The following GSG1 variants were observed in gnomAD, a reference collection of about 807,000 sequenced individuals.
GSG1 encodes germ cell-specific gene 1 protein.
A neutral mutation model predicts 30.8 loss-of-function variants in GSG1; 28 were observed. The observed-to-expected ratio is 0.91, with a 90% confidence interval of 0.67 to 1.25. The LOEUF is 1.25. GSG1 is among the 50% of genes most tolerant of loss of function. The pLI is 0.00. For missense variants in GSG1, 435 were observed against 444.7 expected, an observed-to-expected ratio of 0.98 and a Z score of 0.20; for synonymous variants, 162 against 178.0, an observed-to-expected ratio of 0.91 and a Z score of 0.71.
At chr12:13,103,021 C>T (rs1175556501) in intron 1 of GSG1, among the ~76,000 whole-genome samples, 1 of 152,254 alleles carries the variant, frequency 6.6e-6, no homozygotes, top group African/African-American at 2.4e-5. Flanking sequence ...TGTTCTCTGG[C>T]ATAGAGCTTG....
At chr12:13,091,750 T>A (rs1292591572) in intron 1 of GSG1, among the ~76,000 whole-genome samples, 1 of 152,212 alleles carries the variant, frequency 6.6e-6, no homozygotes, top group Non-Finnish European at 1.5e-5. Context: ...CCAATCATAT[T>A]TCTATGTGAC....
chr12:13,098,120 A>C (rs1862867455), intron 1 of GSG1, among the ~76,000 whole-genome samples: 1 of 151,914 alleles, frequency 6.6e-6, no homozygotes, highest in Non-Finnish European at 1.5e-5. Context: ...TGGAAGGAGA[A>C]GCAGGAATTT....
At chr12:13,085,887 G>C (rs1865473468) in intron 6 of GSG1, among the ~76,000 whole-genome samples, 1 of 152,204 alleles carries the variant, frequency 6.6e-6, no homozygotes, top group African/African-American at 2.4e-5. Context: ...TGGCTTAAGG[G>C]AGTTTGTAAT....
At chr12:13,096,382 G>A (rs1296840906) in intron 1 of GSG1, among the ~76,000 whole-genome samples, 6 of 151,210 alleles carry the variant, frequency 4.0e-5, no homozygotes, top group African/African-American at 1.5e-4. Flanking sequence ...GCTGAGGCAG[G>A]AGAATGGTGT....
In GSG1 at chr12:13,084,809, G is replaced by C. The variant is rs566167253; in HGVS notation, c.*92C>G. On this transcript the variant is annotated 3_prime_UTR_variant, in exon 7 of 7. Coordinates refer to ENST00000651961, the MANE Select transcript of GSG1 (RefSeq NM_001080555.4). ...CTTATTCGTAGCCTCTAAAAACCAT[G>C]CTCAAGAGACGGATGTTGGCTTAAG... 6.0e-6 allele frequency: 5 copies of C among 832,630 alleles called. No individual in the cohort carries two copies. Among genetic ancestry groups the C allele is most frequent in the Non-Finnish European group, 9.4e-6 (5 of 533,258 alleles). 51.6% of individuals were successfully genotyped at this position (832,630 alleles called of 1,614,324 possible). A position where few individuals can be genotyped will look rare whatever the true frequency, so the allele number is the denominator to read the frequency against.
chr12:13,090,278 C>T (rs183146607), intron 2 of GSG1, among the ~76,000 whole-genome samples: 1 of 152,288 alleles, frequency 6.6e-6, no homozygotes, highest in East Asian at 1.9e-4. Flanking sequence ...AGTGAAAATC[C>T]AGAGGACTTT....
chr12:13,099,131 C>T (rs1044952402), intron 1 of GSG1, among the ~76,000 whole-genome samples: 1 of 152,152 alleles, frequency 6.6e-6, no homozygotes, highest in African/African-American at 2.4e-5. Context: ...TCCCCAAGGA[C>T]CCTGGGCCAC....
chr12:13,089,204 A>G lies in GSG1; in HGVS notation c.433+4T>C. The stretch of plus-strand genomic sequence containing the variant: ...GAGTTAATGATCTTAGTGTTAACTA[A>G]TACCTTTTGCTGCCGCTGTACCACT... On this transcript the variant is annotated splice_donor_region_variant and intron_variant, in intron 3 of 6. Transcript: ENST00000651961. 6.4e-7 allele frequency: 1 copy of G among 1,554,140 alleles called. No homozygotes were observed. The highest frequency in any genetic ancestry group is 8.7e-7 in the Non-Finnish European group (1 of 1,148,300).
intron 1 of GSG1, among the ~76,000 whole-genome samples, chr12:13,099,762 T>TTTTTTTTTTTTTTTTTTG (rs1565551377): frequency 2.0e-5 from 3 of 148,262 alleles, no homozygotes; most frequent in African/African-American, 7.5e-5. Flanking sequence ...TTTTTTTTTT[T>TTTTTTTTTTTTTTTTTTG]TTTTTTGTTT....
intron 2 of GSG1, 137 bp from the exon 3 acceptor site, chr12:13,089,413 T>C: frequency 7.0e-7 from 1 of 1,426,606 alleles, no homozygotes; most frequent in South Asian, 1.3e-5. Flanking sequence ...AGAACTTTAG[T>C]ACCAGGTGCT....
At chr12:13,089,618 T>G (rs1865889561) in intron 2 of GSG1, among the ~76,000 whole-genome samples, 1 of 152,248 alleles carries the variant, frequency 6.6e-6, no homozygotes, top group Non-Finnish European at 1.5e-5. Context: ...TTACCCTGGC[T>G]GGCTGGCTTC....
In GSG1 at chr12:13,103,657, G is replaced by A; in HGVS notation, c.-145C>T. 1 of 862,572 alleles carries A rather than the reference G, an allele frequency of 1.2e-6. No homozygotes were observed. Among genetic ancestry groups the A allele is most frequent in the Non-Finnish European group, 1.9e-6 (1 of 532,646 alleles). The allele number at this position is 862,572 out of a possible 1,614,324, so 53.4% of individuals were successfully genotyped here. A position where few individuals can be genotyped will look rare whatever the true frequency, so the allele number is the denominator to read the frequency against. The stretch of plus-strand genomic sequence containing the variant: ...GTAAGGTGGTGTGTGGTGGATTGGA[G>A]AGGATGTCCTGAGGGCCAGACACCA... On this transcript the variant is annotated 5_prime_UTR_variant, in exon 1 of 7. Transcript: ENST00000651961.
Position 13,084,123 on chromosome 12 carries a change from A to T in GSG1, c.*778T>A, listed in dbSNP as rs931566953. 6.6e-6 allele frequency: 1 copy of T among 152,170 alleles called. No homozygotes were observed. The highest frequency in any genetic ancestry group is 2.4e-5 in the African/African-American group (1 of 41,436). 9.4% of individuals were successfully genotyped at this position (152,170 alleles called of 1,614,324 possible). A position where few individuals can be genotyped will look rare whatever the true frequency, so the allele number is the denominator to read the frequency against. ...AGGAATCAGATGGGTGGCATTCTTT[A>T]TGAAGGAAATAATAGGGTACATTTC... On this transcript the variant is annotated 3_prime_UTR_variant, in exon 7 of 7. Transcript: ENST00000651961.
At chr12:13,102,027 G>A (rs1381415485) in intron 1 of GSG1, among the ~76,000 whole-genome samples, 2 of 152,280 alleles carry the variant, frequency 1.3e-5, no homozygotes, top group East Asian at 3.9e-4. Flanking sequence ...AAGGGGAAGT[G>A]CACCTGTGCT....
chr12:13,092,996 A>G (rs907292833), intron 1 of GSG1, among the ~76,000 whole-genome samples: 1 of 151,632 alleles, frequency 6.6e-6, no homozygotes, highest in Non-Finnish European at 1.5e-5. Flanking sequence ...GGGTTTCACC[A>G]TATTGGCCAG....
At chr12:13,092,158 A>C (rs1158803423) in intron 1 of GSG1, among the ~76,000 whole-genome samples, 2 of 152,194 alleles carry the variant, frequency 1.3e-5, no homozygotes, top group African/African-American at 2.4e-5. Flanking sequence ...ATTGGAAGTG[A>C]GTATGTTAAA....
intron 1 of GSG1, among the ~76,000 whole-genome samples, chr12:13,099,601 A>G (rs117818537): frequency 6.6e-6 from 1 of 152,348 alleles, no homozygotes; most frequent in East Asian, 1.9e-4. Context: ...TACTTCGTAA[A>G]TGGGAATGCA....
Position 13,093,289 on chromosome 12 carries a change from G to T in GSG1, c.49-2471C>A, listed in dbSNP as rs1866337011. ...CTTTGTGATAATCGTTTTTGGCTTT[G>T]TCTTCACTGACAGGTAGTAGCACTG... On this transcript the variant is annotated intron_variant, in intron 1 of 6. Coordinates refer to ENST00000651961, the MANE Select transcript of GSG1 (RefSeq NM_001080555.4). The surrounding 1 kb of genome is among the most constrained non-coding windows in gnomAD (Gnocchi z 4.6). Among the ~76,000 whole-genome samples the T allele has an allele frequency of 6.6e-6, 1 of 152,176 alleles. No homozygotes were observed. Among genetic ancestry groups the T allele is most frequent in the African/African-American group, 2.4e-5 (1 of 41,444 alleles).
At chr12:13,090,850 G>A (rs1339446415) in intron 1 of GSG1, 32 bp from the exon 2 acceptor site, 1 of 1,562,234 alleles carries the variant, frequency 6.4e-7, no homozygotes, top group Non-Finnish European at 8.7e-7. Context: ...GGAAGGGAAG[G>A]GAGCAGGGGA....
Sources: gnomAD v4.1 joint callset for allele counts (sites outside exome capture counted in the v4.1 genomes callset) on GRCh38, gnomAD v4.1.1 for gene constraint, Gnocchi (gnomAD v3.1) non-coding constraint, MANE v1.5 for transcripts, NCBI Gene and HGNC (gene_info 2026-07-23, HGNC 2026-07-21) for gene names.